The following ZC3H3 variants were observed in gnomAD, a reference collection of about 807,000 sequenced individuals.
The protein encoded by ZC3H3 is zinc finger CCCH domain-containing protein 3.
ZC3H3 carries 36 observed loss-of-function variants against 77.3 expected under a neutral mutation model. The observed-to-expected ratio is 0.47, with a 90% CI of 0.36 to 0.61. The LOEUF is 0.61. Among genes scored for constraint, ZC3H3 ranks in the 20% least tolerant of loss-of-function variants. The pLI, the probability that ZC3H3 is intolerant of heterozygous loss-of-function variation, is 0.00. For synonymous variants in ZC3H3, 626 were observed against 555.2 expected, an observed-to-expected ratio of 1.13 and a Z score of -1.79; for missense variants, 1,331 against 1,312.2, an observed-to-expected ratio of 1.01 and a Z score of -0.22.
chr8:143,474,646 C>T (rs926193092), intron 5 of ZC3H3, among the ~76,000 whole-genome samples: 4 of 152,248 alleles, frequency 2.6e-5, no homozygotes, highest in Non-Finnish European at 5.9e-5. Flanking sequence ...CCTGTTCTCT[C>T]TCTAGGTCCC....
At chr8:143,496,600 G>A (rs1020628867) in intron 4 of ZC3H3, among the ~76,000 whole-genome samples, 3 of 152,218 alleles carry the variant, frequency 2.0e-5, no homozygotes, top group Non-Finnish European at 2.9e-5. Flanking sequence ...AAGGCGACAG[G>A]GAAAGCCACC....
At position 143,493,491 on chromosome 8, in the gene ZC3H3, G is replaced by GGAAGGTATGC. The variant is rs1455222832; in HGVS notation, c.1715+14245_1715+14254dup. ...GCCCTCGGCCACACCTGGAGAAGGT[G>GGAAGGTATGC]GAAGGTATGCAGGCTCGGGGGGATG... On this transcript the variant is annotated intron_variant, in intron 4 of 11. Coordinates refer to ENST00000262577, the MANE Select transcript of ZC3H3 (RefSeq NM_015117.3). The surrounding 1 kb of genome is among the most constrained non-coding windows in gnomAD (Gnocchi z 4.8). Among the ~76,000 whole-genome samples the GGAAGGTATGC allele has an allele frequency of 6.6e-6, 1 of 152,220 alleles. No individual in the cohort carries two copies. The highest frequency in any genetic ancestry group is 1.5e-5 in the Non-Finnish European group (1 of 68,036).
intron 3 of ZC3H3, among the ~76,000 whole-genome samples, chr8:143,521,248 G>A (rs1330822949): frequency 4.6e-5 from 7 of 152,234 alleles, no homozygotes; most frequent in East Asian, 3.9e-4. Flanking sequence ...GCACTGGCCC[G>A]AGGTCACAGG....
intron 3 of ZC3H3, among the ~76,000 whole-genome samples, chr8:143,514,491 C>T (rs1821969636): frequency 6.6e-6 from 1 of 152,238 alleles, no homozygotes; most frequent in Non-Finnish European, 1.5e-5. Context: ...CACTCAGGAG[C>T]ACACGCAGAG....
At chr8:143,516,279 G>A (rs945687571) in intron 3 of ZC3H3, among the ~76,000 whole-genome samples, 1 of 152,180 alleles carries the variant, frequency 6.6e-6, no homozygotes, top group Non-Finnish European at 1.5e-5. Context: ...ATGGCTCCCA[G>A]GACCTCAAAC....
In ZC3H3 at chr8:143,491,239, C is replaced by T. The variant is rs534457704; in HGVS notation, c.1716-15654G>A. Among the ~76,000 whole-genome samples, 16 of 152,324 alleles carry T rather than the reference C, an allele frequency of 1.1e-4. No individual in the cohort carries two copies. In the South Asian group the frequency reaches 2.5e-3, roughly 24 times the overall value. On this transcript the variant is annotated intron_variant, in intron 4 of 11. Transcript: ENST00000262577. ...GAACCCCCGGGGGGCCCTTGAGCTCCCTCCCCGAAGGTCCTTGTGCAAACT... is the reference window on the plus strand; with the variant it reads ...GAACCCCCGGGGGGCCCTTGAGCTCTCTCCCCGAAGGTCCTTGTGCAAACT...
chr8:143,477,517 C>T (rs984080473), intron 4 of ZC3H3, among the ~76,000 whole-genome samples: 1 of 152,216 alleles, frequency 6.6e-6, no homozygotes, highest in Non-Finnish European at 1.5e-5. Context: ...CCCAGTGCAG[C>T]CCCGGCCTCC....
Position 143,538,713 on chromosome 8 carries a change from T to C in ZC3H3, c.654A>G (p.Thr218=), listed in dbSNP as rs769975823. The C allele has an allele frequency of 1.7e-5, 28 of 1,609,126 alleles. 1 individual carries two copies. In the South Asian group the frequency reaches 2.9e-4, roughly 16 times the overall value. The part of the protein sequence containing the change: ...VGDSPREPRR[T]VSESVIAVKA... Reference sequence around the variant, plus strand: ...TGACGGCAATCACACTCTCACTGACTGTCCGGCGGGGCTCCCGGGGGCTGT... The same window carrying C: ...TGACGGCAATCACACTCTCACTGACCGTCCGGCGGGGCTCCCGGGGGCTGT... Residue 218 remains threonine (T), a synonymous_variant, in exon 2 of 12, where the codon ACA becomes ACG. Transcript: ENST00000262577.
At chr8:143,503,677 C>G (rs1233396287) in intron 4 of ZC3H3, among the ~76,000 whole-genome samples, 1 of 144,616 alleles carries the variant, frequency 6.9e-6, no homozygotes, top group Non-Finnish European at 1.5e-5. Flanking sequence ...CAGCACCCAA[C>G]TGTCTCCACC....
intron 3 of ZC3H3, among the ~76,000 whole-genome samples, chr8:143,509,400 G>A (rs1278749661): frequency 6.6e-6 from 1 of 152,244 alleles, no homozygotes; most frequent in African/African-American, 2.4e-5. Context: ...AGCATGGGCT[G>A]CCCGGCTGCT....
Position 143,468,284 on chromosome 8 carries a change from G to T in ZC3H3, c.2106-6C>A. 1 of 1,613,060 alleles carries T rather than the reference G, an allele frequency of 6.2e-7. No homozygotes were observed. The highest frequency in any genetic ancestry group is 8.5e-7 in the Non-Finnish European group (1 of 1,179,924). On this transcript the variant is annotated splice_polypyrimidine_tract_variant and splice_region_variant and intron_variant, in intron 7 of 11. Transcript: ENST00000262577. ...TGCAGGTGCCCCGGACAAACCTGCA[G>T]CACCAGGAGAAACGGGTATGAGGAA...
intron 1 of ZC3H3, among the ~76,000 whole-genome samples, chr8:143,541,002 T>A (rs922040036): frequency 1.3e-5 from 2 of 152,158 alleles, no homozygotes; most frequent in Non-Finnish European, 2.9e-5. Flanking sequence ...GCCCTTAGCC[T>A]GCTCTGCCGA....
At chr8:143,537,173 T>G (rs1207827093) in intron 2 of ZC3H3, among the ~76,000 whole-genome samples, 1 of 152,164 alleles carries the variant, frequency 6.6e-6, no homozygotes, top group Non-Finnish European at 1.5e-5. Context: ...CCAAGCACTG[T>G]GCCATGACAC....
At chr8:143,518,517 G>A (rs1204968896) in intron 3 of ZC3H3, among the ~76,000 whole-genome samples, 2 of 152,240 alleles carry the variant, frequency 1.3e-5, no homozygotes, top group African/African-American at 4.8e-5. Flanking sequence ...GACAGAAACC[G>A]CAGGCTGCCA....
intron 4 of ZC3H3, among the ~76,000 whole-genome samples, chr8:143,490,610 G>A (rs746158812): frequency 3.9e-5 from 6 of 152,244 alleles, no homozygotes; most frequent in Admixed American, 1.3e-4. Context: ...TGATATATTC[G>A]AGAAGTTAAA....
At chr8:143,497,935 C>T (rs549083734) in intron 4 of ZC3H3, among the ~76,000 whole-genome samples, 25 of 152,340 alleles carry the variant, frequency 1.6e-4, no homozygotes, top group African/African-American at 6.0e-4. Flanking sequence ...CCCCTCTCTG[C>T]CTGGCAGGCA....
In ZC3H3 at chr8:143,437,902, A is replaced by C; in HGVS notation, c.*154T>G. ...GCCCTGCGCACACGCTGGTCATGGAAGGTTGAGGGCCAGGCAGGCAGAGCA... is the reference window on the plus strand; with the variant it reads ...GCCCTGCGCACACGCTGGTCATGGACGGTTGAGGGCCAGGCAGGCAGAGCA... On this transcript the variant is annotated 3_prime_UTR_variant, in exon 12 of 12. Coordinates refer to ENST00000262577, the MANE Select transcript of ZC3H3 (RefSeq NM_015117.3). The C allele has an allele frequency of 5.7e-6, 6 of 1,056,106 alleles. No homozygotes were observed. Among genetic ancestry groups the C allele is most frequent in the Non-Finnish European group, 8.4e-6 (6 of 712,142 alleles). 65.4% of individuals were successfully genotyped at this position (1,056,106 alleles called of 1,614,324 possible). A position where few individuals can be genotyped will look rare whatever the true frequency, so the allele number is the denominator to read the frequency against.
intron 3 of ZC3H3, among the ~76,000 whole-genome samples, chr8:143,513,408 C>A (rs1325704919): frequency 6.6e-6 from 1 of 152,176 alleles, no homozygotes; most frequent in Admixed American, 6.5e-5. Context: ...TCCTGCAGCT[C>A]GCAGGTGATC....
chr8:143,475,297 G>A (rs1820700717), intron 5 of ZC3H3, 101 bp downstream of exon 5: 2 of 1,381,166 alleles, frequency 1.4e-6, no homozygotes, highest in Non-Finnish European at 1.9e-6. Context: ...AAGGCCCAGA[G>A]CAGCCACAGC....
Sources: allele counts gnomAD v4.1 joint callset (sites outside exome capture counted in the v4.1 genomes callset), GRCh38; gene constraint gnomAD v4.1.1; non-coding constraint Gnocchi (gnomAD v3.1); transcripts MANE v1.5; gene names NCBI Gene and HGNC (gene_info 2026-07-23, HGNC 2026-07-21).